EMP2: variants seen among roughly 807,000 people sequenced by gnomAD.
EMP2 encodes the protein epithelial membrane protein 2.
In EMP2, 19 loss-of-function variants were observed where a neutral mutation model predicts 13.7. That is an observed-to-expected ratio of 1.38 (90% CI 0.97 to 2.03). The LOEUF is 2.03. Among genes scored for constraint, EMP2 ranks in the 30% most tolerant of loss-of-function variants. The probability of loss-of-function intolerance (pLI) is 0.00; values close to 1 mark genes in which losing one functional copy is unlikely to be tolerated. For missense variants in EMP2, 253 were observed against 220.7 expected (o/e 1.15, Z -0.93); for synonymous variants, 97 against 84.7 (o/e 1.15, Z -0.80).
intron 1 of EMP2, among the ~76,000 whole-genome samples, chr16:10,554,347 T>C (rs1244504484): frequency 6.6e-6 from 1 of 152,184 alleles, no homozygotes; most frequent in East Asian, 1.9e-4. Flanking sequence ...CTGGATCAAC[T>C]CTTAAGCATT....
At chr16:10,551,767 G>C (rs1374270384) in intron 1 of EMP2, among the ~76,000 whole-genome samples, 1 of 152,074 alleles carries the variant, frequency 6.6e-6, no homozygotes, top group Non-Finnish European at 1.5e-5. Flanking sequence ...TCCTCTAGTG[G>C]ACATGCACTG....
At chr16:10,579,708 G>GCACGCGCACACACA in intron 1 of EMP2, among the ~76,000 whole-genome samples, 1 of 146,784 alleles carries the variant, frequency 6.8e-6, no homozygotes, top group Middle Eastern at 3.5e-3. Context: ...AGATCAAGGT[G>GCACGCGCACACACA]CACACACACA....
intron 1 of EMP2, chr16:10,576,775 T>C (rs1484167977): frequency 1.3e-5 from 2 of 152,200 alleles, no homozygotes; most frequent in African/African-American, 4.8e-5. Context: ...GCACCGGAGA[T>C]ACTGCATGAA....
intron 1 of EMP2, among the ~76,000 whole-genome samples, chr16:10,571,033 T>C (rs57464272): frequency 6.8e-6 from 1 of 147,708 alleles, no homozygotes; most frequent in Non-Finnish European, 1.5e-5. Flanking sequence ...CTGAGGCGGG[T>C]GGATCATGAG....
rs1266275452 is a variant in EMP2 at position 10,532,289 on chromosome 16, A to T, written c.*616T>A. On this transcript the variant is annotated 3_prime_UTR_variant, in exon 5 of 5. Coordinates refer to ENST00000359543, the MANE Select transcript of EMP2 (RefSeq NM_001424.6). ...TGACCATTCCTAAGGCAAGCAGGTG[A>T]CACTGTCGGCAAATTGAGGTGAGAC... The T allele has an allele frequency of 6.5e-6, 1 of 153,984 alleles. No individual in the cohort carries two copies. The highest frequency in any genetic ancestry group is 2.4e-5 in the African/African-American group (1 of 41,460). 9.5% of individuals were successfully genotyped at this position (153,984 alleles called of 1,614,324 possible).
intron 4 of EMP2, among the ~76,000 whole-genome samples, chr16:10,535,298 G>A (rs1363568991): frequency 6.6e-6 from 1 of 152,084 alleles, no homozygotes; most frequent in Admixed American, 6.6e-5. Flanking sequence ...ATGGGAAGAC[G>A]TGACTTTCAT....
At chr16:10,579,126 G>C (rs28707131) in intron 1 of EMP2, among the ~76,000 whole-genome samples, 14,358 of 152,256 alleles carry the variant, frequency 0.094, 984 homozygotes, top group African/African-American at 0.18. Context: ...CTCCCAGGGA[G>C]AAACGGAGAT....
rs878927571 is a variant in EMP2 at position 10,532,758 on chromosome 16, C to CTTTTTTTTTTTTTTTTTT, written c.*129_*146dup. On this transcript the variant is annotated 3_prime_UTR_variant, in exon 5 of 5. Coordinates refer to ENST00000359543, the MANE Select transcript of EMP2 (RefSeq NM_001424.6). ...CTTTTGGATTTTTTTTTTCTTTTTT[C>CTTTTTTTTTTTTTTTTTT]TTTTTTTTTTTTTTTTTTTTTTTTT... 1.5e-4 allele frequency: 28 copies of CTTTTTTTTTTTTTTTTTT among 182,526 alleles called. 1 individual carries two copies. Among genetic ancestry groups the CTTTTTTTTTTTTTTTTTT allele is most frequent in the African/African-American group, 2.1e-4 (5 of 23,710 alleles). 11.3% of individuals were successfully genotyped at this position (182,526 alleles called of 1,614,324 possible).
intron 1 of EMP2, among the ~76,000 whole-genome samples, chr16:10,579,729 C>CACACACACAT (rs2051011596): frequency 6.6e-6 from 1 of 151,924 alleles, no homozygotes; most frequent in African/African-American, 2.4e-5. Flanking sequence ...CACACACACA[C>CACACACACAT]ACACACACAC....
chr16:10,547,023 C>G (rs1352976522), intron 2 of EMP2: 1 of 152,430 alleles, frequency 6.6e-6, no homozygotes, highest in Non-Finnish European at 1.5e-5. Flanking sequence ...GAGTCCTCAG[C>G]CCTTGGGTCA....
At chr16:10,579,537 G>C (rs550858425) in intron 1 of EMP2, among the ~76,000 whole-genome samples, 32 of 151,802 alleles carry the variant, frequency 2.1e-4, no homozygotes, top group Middle Eastern at 3.4e-3. Flanking sequence ...AGTAACTCCC[G>C]GTTCCCAGGT....
rs878927571 is a variant in EMP2 at position 10,532,758 on chromosome 16, CTTTTTTTTTTTTTTTT to C, written c.*131_*146del. ...CTTTTGGATTTTTTTTTTCTTTTTT[CTTTTTTTTTTTTTTTT>C]TTTTTTTTTTTTGGCTTTTAAAGGA... On this transcript the variant is annotated 3_prime_UTR_variant, in exon 5 of 5. Transcript: ENST00000359543. The C allele has an allele frequency of 7.6e-5, 14 of 184,884 alleles. No individual in the cohort carries two copies. The highest frequency in any genetic ancestry group is 9.0e-5 in the Non-Finnish European group (11 of 121,710). 11.5% of individuals were successfully genotyped at this position (184,884 alleles called of 1,614,324 possible).
chr16:10,534,560 G>A (rs1168446925), intron 4 of EMP2, among the ~76,000 whole-genome samples: 1 of 152,112 alleles, frequency 6.6e-6, no homozygotes, highest in East Asian at 1.9e-4. Flanking sequence ...GCACCCAGGA[G>A]CTCGAGACCA....
chr16:10,566,158 C>T (rs2050905718), intron 1 of EMP2, among the ~76,000 whole-genome samples: 1 of 152,166 alleles, frequency 6.6e-6, no homozygotes, highest in African/African-American at 2.4e-5. Context: ...ACAAGGGTTC[C>T]CAAACTTCAG....
intron 1 of EMP2, among the ~76,000 whole-genome samples, chr16:10,559,347 A>G (rs7200276): frequency 0.094 from 14,252 of 152,284 alleles, 1,314 homozygotes; most frequent in African/African-American, 0.23. Flanking sequence ...TGGGGAAGAA[A>G]GAAGCCCATT....
At chr16:10,567,732 C>A (rs1453416135) in intron 1 of EMP2, among the ~76,000 whole-genome samples, 4 of 152,166 alleles carry the variant, frequency 2.6e-5, no homozygotes, top group Non-Finnish European at 5.9e-5. Context: ...CCGTAACACC[C>A]TCATACAGCA....
At chr16:10,562,870 G>T (rs1253545248) in intron 1 of EMP2, among the ~76,000 whole-genome samples, 1 of 152,158 alleles carries the variant, frequency 6.6e-6, no homozygotes, top group Non-Finnish European at 1.5e-5. Context: ...ACTGCTGCCT[G>T]ACCCTGTCAA....
In EMP2 at chr16:10,547,531, G is replaced by A. The variant is rs369666496; in HGVS notation, c.78+9C>T. On this transcript the variant is annotated intron_variant, in intron 2 of 4. Transcript: ENST00000359543. ...GGTTTCTGCGTGAGTGGCAGGAAAGGAAACTTACATTGTCGACGGTGGCAA... is the reference window on the plus strand; with the variant it reads ...GGTTTCTGCGTGAGTGGCAGGAAAGAAAACTTACATTGTCGACGGTGGCAA... The A allele has an allele frequency of 2.7e-5, 43 of 1,613,828 alleles. No individual in the cohort carries two copies. Among genetic ancestry groups the A allele is most frequent in the Non-Finnish European group, 3.5e-5 (41 of 1,179,996 alleles).
chr16:10,562,055 C>A (rs914137100), intron 1 of EMP2, among the ~76,000 whole-genome samples: 2 of 152,132 alleles, frequency 1.3e-5, no homozygotes, highest in African/African-American at 4.8e-5. Flanking sequence ...GAAGGGGACA[C>A]CCCACCTCAT....
Sources: allele counts gnomAD v4.1 joint callset (sites outside exome capture counted in the v4.1 genomes callset), GRCh38; gene constraint gnomAD v4.1.1; transcripts MANE v1.5; gene names NCBI Gene and HGNC (gene_info 2026-07-23, HGNC 2026-07-21).